The following AHI1 variants were observed in gnomAD, a reference collection of about 807,000 sequenced individuals.
AHI1 encodes jouberin.
Under a neutral mutation model 149.3 loss-of-function variants are expected in AHI1, and 123 were observed. That is an observed-to-expected ratio of 0.82 (90% CI 0.71 to 0.96). The LOEUF (loss-of-function observed/expected upper bound fraction) is 0.96, where lower values mean the gene tolerates loss of function less well. AHI1 is among the 40% of genes least tolerant of loss of function. The pLI, the probability that AHI1 is intolerant of heterozygous loss-of-function variation, is 0.00. For missense variants in AHI1, 1,439 were observed against 1,422.7 expected (o/e 1.01, Z -0.18); for synonymous variants, 475 against 459.8 (o/e 1.03, Z -0.42).
At chr6:135,405,042 A>C in intron 21 of AHI1, 65 bp from the exon 22 acceptor site, 1 of 1,362,636 alleles carries the variant, frequency 7.3e-7, no homozygotes, top group South Asian at 1.2e-5. Context: ...TGTTTGCAAA[A>C]CACTCAGATG....
intron 20 of AHI1, among the ~76,000 whole-genome samples, chr6:135,419,324 A>T (rs1782821959): frequency 6.6e-6 from 1 of 152,084 alleles, no homozygotes; most frequent in Non-Finnish European, 1.5e-5. Context: ...TTCCATTATC[A>T]ATCATCACAC....
At chr6:135,316,116 G>A (rs141275700) in intron 26 of AHI1, among the ~76,000 whole-genome samples, 58 of 152,158 alleles carry the variant, frequency 3.8e-4, no homozygotes, top group African/African-American at 1.3e-3. Flanking sequence ...ACTCTCACTT[G>A]AGAACCCTCT....
intron 27 of AHI1, among the ~76,000 whole-genome samples, chr6:135,298,631 G>A (rs1783460618): frequency 6.6e-6 from 1 of 152,182 alleles, no homozygotes; most frequent in Non-Finnish European, 1.5e-5. Flanking sequence ...TTACTTCTAA[G>A]AAATTGTAAG....
chr6:135,432,614 A>C (rs1413783741), intron 16 of AHI1, among the ~76,000 whole-genome samples: 2 of 152,114 alleles, frequency 1.3e-5, no homozygotes, highest in Non-Finnish European at 2.9e-5. Context: ...AGCCTCCCAA[A>C]GTGCTGGGAT....
chr6:135,433,385 T>C lies in AHI1; in HGVS notation c.2037-129A>G. ...GACAACGACCAATGGTAAACCAAGT[T>C]TTAAAACAATGAAAAATATAATGAT... On this transcript the variant is annotated intron_variant, in intron 15 of 28. Coordinates refer to ENST00000265602, the MANE Select transcript of AHI1 (RefSeq NM_001134831.2). The C allele has an allele frequency of 8.1e-6, 5 of 618,632 alleles. No individual in the cohort carries two copies. The East Asian group carries it at 1.4e-4, about 17-fold the overall frequency. The allele number at this position is 618,632 out of a possible 1,614,324, so 38.3% of individuals were successfully genotyped here.
chr6:135,346,989 C>T (rs1372858582), intron 24 of AHI1, among the ~76,000 whole-genome samples: 1 of 152,148 alleles, frequency 6.6e-6, no homozygotes, highest in African/African-American at 2.4e-5. Flanking sequence ...ATTGAAGTGC[C>T]CCTCTTCCCA....
intron 26 of AHI1, among the ~76,000 whole-genome samples, chr6:135,304,630 G>C (rs1366661276): frequency 6.6e-6 from 1 of 152,086 alleles, no homozygotes; most frequent in African/African-American, 2.4e-5. Context: ...AATTAGCCGG[G>C]TGTGGTGGCG....
At chr6:135,459,031 T>C (rs551074862) in intron 8 of AHI1, among the ~76,000 whole-genome samples, 1 of 152,268 alleles carries the variant, frequency 6.6e-6, no homozygotes, top group South Asian at 2.1e-4. Flanking sequence ...CTGAGCACAA[T>C]TAAACTTGAC....
At chr6:135,327,503 GGT>G (rs1787884786) in intron 24 of AHI1, among the ~76,000 whole-genome samples, 1 of 152,096 alleles carries the variant, frequency 6.6e-6, no homozygotes, top group East Asian at 1.9e-4. Context: ...TTCACAGTGT[GGT>G]GTTATAATAT....
intron 6 of AHI1, among the ~76,000 whole-genome samples, chr6:135,467,276 T>C (rs1485700005): frequency 2.0e-5 from 3 of 152,118 alleles, no homozygotes; most frequent in East Asian, 1.9e-4. Flanking sequence ...TAAAGGAAGG[T>C]AGCACAATGA....
intron 20 of AHI1, among the ~76,000 whole-genome samples, chr6:135,420,651 C>T (rs1783018308): frequency 6.6e-6 from 1 of 152,186 alleles, no homozygotes; most frequent in South Asian, 2.1e-4. Context: ...TCACCTCTCA[C>T]AGCCTTCACA....
At chr6:135,331,073 C>G (rs994017099) in intron 24 of AHI1, among the ~76,000 whole-genome samples, 5 of 152,184 alleles carry the variant, frequency 3.3e-5, no homozygotes, top group African/African-American at 1.2e-4. Flanking sequence ...AAATATCTTT[C>G]TTGACCATTC....
At chr6:135,312,279 G>A (rs568153456) in intron 26 of AHI1, among the ~76,000 whole-genome samples, 2 of 152,242 alleles carry the variant, frequency 1.3e-5, no homozygotes, top group Admixed American at 1.3e-4. Context: ...TTGGGAGGCT[G>A]AGGCAGGCGG....
chr6:135,420,328 G>A (rs184695133), intron 20 of AHI1, among the ~76,000 whole-genome samples: 4 of 152,240 alleles, frequency 2.6e-5, no homozygotes, highest in East Asian at 1.9e-4. Flanking sequence ...ATGGACTTAC[G>A]AAATGTATTT....
At chr6:135,478,372 T>C (rs1793057642) in intron 5 of AHI1, among the ~76,000 whole-genome samples, 1 of 152,128 alleles carries the variant, frequency 6.6e-6, no homozygotes, top group South Asian at 2.1e-4. Context: ...GAAGAACTTA[T>C]TGGGAACTGG....
At chr6:135,342,310 A>C (rs1210942670) in intron 24 of AHI1, among the ~76,000 whole-genome samples, 1 of 151,942 alleles carries the variant, frequency 6.6e-6, no homozygotes, top group African/African-American at 2.4e-5. Flanking sequence ...ACTGCCCAGA[A>C]TGCATCATTG....
intron 5 of AHI1, among the ~76,000 whole-genome samples, chr6:135,474,207 C>T (rs899831732): frequency 6.6e-6 from 1 of 152,176 alleles, no homozygotes; most frequent in African/African-American, 2.4e-5. Flanking sequence ...TCATAAGAAC[C>T]ACCTGTAACT....
rs758068897 is a variant in AHI1 at position 135,466,216 on chromosome 6, C to G, written c.347G>C (p.Ser116Thr). The change falls in exon 7 of 29, where the codon AGT (serine) becomes ACT (threonine). Residue 116 changes from serine (S) to threonine (T), a missense_variant. Coordinates refer to ENST00000265602, the MANE Select transcript of AHI1 (RefSeq NM_001134831.2). ...CTTTCCTTGTTTGTCTTCCTCTACA[C>G]TAGCATCACCATTAGGATTTTCAGT... ...LATENPNGDASVEEDKQGKPN... is the reference protein window; with the variant it reads ...LATENPNGDATVEEDKQGKPN... The G allele has an allele frequency of 2.5e-6, 4 of 1,613,944 alleles. No homozygotes were observed. Among genetic ancestry groups the G allele is most frequent in the Non-Finnish European group, 3.4e-6 (4 of 1,179,866 alleles).
chr6:135,488,249 T>C (rs868193964), intron 5 of AHI1, among the ~76,000 whole-genome samples: 1 of 152,202 alleles, frequency 6.6e-6, no homozygotes, highest in Non-Finnish European at 1.5e-5. Flanking sequence ...ATGCTCATTA[T>C]TGTTTCTGCT....
Sources: gnomAD v4.1 joint callset for allele counts (sites outside exome capture counted in the v4.1 genomes callset) on GRCh38, gnomAD v4.1.1 for gene constraint, MANE v1.5 for transcripts, NCBI Gene and HGNC (gene_info 2026-07-23, HGNC 2026-07-21) for gene names.